Variants in SCN8A observed in about 807,000 individuals in gnomAD.
The protein encoded by SCN8A is sodium voltage-gated channel alpha subunit 8, also known as sodium channel protein type 8 subunit alpha.
In SCN8A, 30 loss-of-function variants were observed where a neutral mutation model predicts 184.1. The observed-to-expected ratio is 0.16, with a 90% confidence interval of 0.12 to 0.22. The LOEUF is 0.22. SCN8A is among the 10% of genes least tolerant of loss of function. The pLI is 1.00. For synonymous variants in SCN8A, 852 were observed against 907.0 expected (o/e 0.94, Z 1.09); for missense variants, 1,057 against 2,498.9 (o/e 0.42, Z 12.30).
intron 21 of SCN8A, 130 bp downstream of exon 21, chr12:51,780,901 A>C: frequency 8.6e-7 from 1 of 1,157,924 alleles, no homozygotes. Context: ...TTGATCCTCC[A>C]CTCTCTCCCC....
At chr12:51,595,717 A>G (rs1005230567) in intron 1 of SCN8A, among the ~76,000 whole-genome samples, 3 of 152,214 alleles carry the variant, frequency 2.0e-5, no homozygotes, top group African/African-American at 7.2e-5. Context: ...CTTAATATAT[A>G]TTAGCCCCCT....
chr12:51,726,750 A>C (rs914923664), intron 12 of SCN8A, among the ~76,000 whole-genome samples: 3 of 152,190 alleles, frequency 2.0e-5, no homozygotes, highest in African/African-American at 7.2e-5. Flanking sequence ...GCCAATTTTC[A>C]TTCCTTTTCT....
intron 1 of SCN8A, among the ~76,000 whole-genome samples, chr12:51,634,663 T>A (rs1409599434): frequency 2.7e-5 from 4 of 148,126 alleles, no homozygotes; most frequent in East Asian, 3.9e-4. Flanking sequence ...ATTATTTTTT[T>A]TTTTTGAGAC....
intron 6 of SCN8A, chr12:51,689,571 C>T (rs1262102754): frequency 6.7e-6 from 1 of 149,932 alleles, no homozygotes. Context: ...AGAGATCTAC[C>T]CAGTTAACTA....
intron 2 of SCN8A, among the ~76,000 whole-genome samples, chr12:51,674,243 C>A (rs1413262825): frequency 6.6e-6 from 1 of 152,210 alleles, no homozygotes; most frequent in African/African-American, 2.4e-5. Context: ...GCTCTGGATT[C>A]TTGCTCTAAC....
intron 20 of SCN8A, among the ~76,000 whole-genome samples, chr12:51,778,640 C>T (rs1937789249): frequency 6.6e-6 from 1 of 152,098 alleles, no homozygotes; most frequent in African/African-American, 2.4e-5. Context: ...TACCCCCTGC[C>T]AGTCATGCTG....
intron 12 of SCN8A, among the ~76,000 whole-genome samples, chr12:51,723,309 C>A (rs58959535): frequency 0.051 from 7,805 of 151,642 alleles, 290 homozygotes; most frequent in South Asian, 0.11. Context: ...ACAGTGAGAC[C>A]CTGTTTGTAC....
At chr12:51,674,586 C>T (rs145533677) in intron 2 of SCN8A, among the ~76,000 whole-genome samples, 1,607 of 152,230 alleles carry the variant, frequency 0.011, 14 homozygotes, top group Non-Finnish European at 0.016. Flanking sequence ...CCACCCGCCT[C>T]GGCCTCCCAA....
intron 14 of SCN8A, among the ~76,000 whole-genome samples, 163 bp from the exon 15 acceptor site, chr12:51,762,340 A>G (rs1424452969): frequency 6.6e-6 from 1 of 152,186 alleles, no homozygotes; most frequent in Non-Finnish European, 1.5e-5. Flanking sequence ...TTCCTGCATC[A>G]GGTGGGGTGC....
intron 20 of SCN8A, among the ~76,000 whole-genome samples, chr12:51,774,744 TG>T (rs1408077785): frequency 6.6e-6 from 1 of 152,018 alleles, no homozygotes; most frequent in Non-Finnish European, 1.5e-5. Flanking sequence ...GAGAATGAGA[TG>T]GGGGCTGTTG....
chr12:51,643,257 G>A (rs1406971794), intron 1 of SCN8A, among the ~76,000 whole-genome samples: 1 of 152,132 alleles, frequency 6.6e-6, no homozygotes, highest in African/African-American at 2.4e-5. Context: ...GTGGACTTTG[G>A]AGAGAGGCTG....
intron 1 of SCN8A, among the ~76,000 whole-genome samples, chr12:51,648,507 G>A (rs943747402): frequency 8.5e-5 from 13 of 152,222 alleles, no homozygotes; most frequent in African/African-American, 2.9e-4. Flanking sequence ...GGAAGAAAAA[G>A]AGGTTTAATT....
chr12:51,753,268 A>G (rs1256684434), intron 14 of SCN8A, among the ~76,000 whole-genome samples: 1 of 152,228 alleles, frequency 6.6e-6, no homozygotes, highest in Non-Finnish European at 1.5e-5. Flanking sequence ...AACGGCAAGT[A>G]AATGTACAAT....
intron 2 of SCN8A, among the ~76,000 whole-genome samples, chr12:51,682,255 G>C (rs1211201324): frequency 6.6e-6 from 1 of 152,158 alleles, no homozygotes; most frequent in Non-Finnish European, 1.5e-5. Context: ...GAGGCTGTCT[G>C]TGTCTATATT....
chr12:51,707,742 G>C (rs1486688265), intron 11 of SCN8A, among the ~76,000 whole-genome samples: 1 of 152,090 alleles, frequency 6.6e-6, no homozygotes, highest in African/African-American at 2.4e-5. Context: ...TTAGTTTTTT[G>C]AGGAGCCTCC....
At chr12:51,741,406 A>C (rs1366197019) in intron 12 of SCN8A, among the ~76,000 whole-genome samples, 1 of 151,966 alleles carries the variant, frequency 6.6e-6, no homozygotes, top group Non-Finnish European at 1.5e-5. Flanking sequence ...TTATTTTTTC[A>C]TGCATTTAGC....
chr12:51,807,394 A>C lies in SCN8A; in HGVS notation c.5908A>C (p.Lys1970Gln). ...RAEEGRRERA[K>Q]RQKEVRESKC ...AGAGGAAGGAAGAAGGGAAAGAGCC[A>C]AAAGACAAAAAGAGGTCAGAGAATC... is the stretch of plus-strand genomic sequence containing the variant. The change falls in exon 27 of 27, where the codon AAA becomes CAA. Residue 1970 changes from lysine to glutamine, a missense_variant. Transcript: ENST00000627620. This position sits in a 1 kb window ranked among gnomAD's most constrained non-coding sequence, Gnocchi z 4.5. 3 of 1,612,282 alleles carry C rather than the reference A, an allele frequency of 1.9e-6. No individual in the cohort carries two copies. The highest frequency in any genetic ancestry group is 2.5e-6 in the Non-Finnish European group (3 of 1,179,030).
intron 1 of SCN8A, among the ~76,000 whole-genome samples, chr12:51,607,576 T>A (rs2138570778): frequency 6.6e-6 from 1 of 152,332 alleles, no homozygotes. Flanking sequence ...TTGTCATAGA[T>A]GGCTTTTATT....
At chr12:51,621,429 C>A (rs1422103567) in intron 1 of SCN8A, among the ~76,000 whole-genome samples, 1 of 152,158 alleles carries the variant, frequency 6.6e-6, no homozygotes, top group East Asian at 1.9e-4. Flanking sequence ...CTAAAGCATG[C>A]TAATTTGCAT....
Sources: allele counts gnomAD v4.1 joint callset (sites outside exome capture counted in the v4.1 genomes callset), GRCh38; gene constraint gnomAD v4.1.1; non-coding constraint Gnocchi (gnomAD v3.1); transcripts MANE v1.5; gene names NCBI Gene and HGNC (gene_info 2026-07-23, HGNC 2026-07-21).